Variants in NRXN3 observed in about 807,000 individuals in gnomAD.
The protein encoded by NRXN3 is neurexin 3.
In NRXN3, 32 loss-of-function variants were observed where a neutral mutation model predicts 137.6. The observed-to-expected ratio is 0.23, with a 90% CI of 0.18 to 0.31. The LOEUF (loss-of-function observed/expected upper bound fraction) is 0.31. Ranked by LOEUF, NRXN3 falls within the 10% of genes least tolerant of loss-of-function variation. The pLI is 1.00. For synonymous variants in NRXN3, 798 were observed against 784.5 expected, an observed-to-expected ratio of 1.02 and a Z score of -0.29; for missense variants, 1,574 against 2,062.5, an observed-to-expected ratio of 0.76 and a Z score of 4.59.
intron 4 of NRXN3, among the ~76,000 whole-genome samples, chr14:78,376,270 T>C (rs1234534995): frequency 6.6e-6 from 1 of 152,224 alleles, no homozygotes; most frequent in Non-Finnish European, 1.5e-5. Context: ...TGGTTCCCAC[T>C]GTGGCATACC....
At chr14:78,338,541 C>CAG (rs1367878308) in intron 4 of NRXN3, among the ~76,000 whole-genome samples, 1 of 152,150 alleles carries the variant, frequency 6.6e-6, no homozygotes, top group Non-Finnish European at 1.5e-5. Context: ...ACAGAAAGGG[C>CAG]AGAGGTTGGT....
At chr14:79,316,762 C>G (rs1280519723) in intron 15 of NRXN3, among the ~76,000 whole-genome samples, 1 of 143,338 alleles carries the variant, frequency 7.0e-6, no homozygotes, top group African/African-American at 2.6e-5. Flanking sequence ...CTCTCTCTCT[C>G]TATTGAATTC....
At chr14:79,634,425 A>G (rs2098387147) in intron 16 of NRXN3, among the ~76,000 whole-genome samples, 2 of 152,212 alleles carry the variant, frequency 1.3e-5, no homozygotes, top group African/African-American at 4.8e-5. Context: ...CTTAGGTTCA[A>G]GTGAAAATAA....
intron 10 of NRXN3, among the ~76,000 whole-genome samples, chr14:78,895,406 C>T (rs185549790): frequency 6.6e-6 from 1 of 151,880 alleles, no homozygotes; most frequent in Non-Finnish European, 1.5e-5. Context: ...TCTTCCTCAC[C>T]TCTCTTAGCC....
At chr14:78,548,067 T>A (rs1470889600) in intron 4 of NRXN3, among the ~76,000 whole-genome samples, 1 of 152,238 alleles carries the variant, frequency 6.6e-6, no homozygotes, top group Non-Finnish European at 1.5e-5. Context: ...GGGATGTCCC[T>A]TGTTATCTAT....
chr14:79,019,247 A>C (rs1256104741), intron 15 of NRXN3, among the ~76,000 whole-genome samples: 1 of 152,180 alleles, frequency 6.6e-6, no homozygotes, highest in African/African-American at 2.4e-5. Flanking sequence ...GAGGATATGC[A>C]TAGAAGATGC....
At chr14:79,803,406 C>G (rs1271697760) in intron 19 of NRXN3, among the ~76,000 whole-genome samples, 1 of 152,100 alleles carries the variant, frequency 6.6e-6, no homozygotes, top group African/African-American at 2.4e-5. Context: ...AAGGTGTCAG[C>G]AGAATTAGTG....
intron 14 of NRXN3, among the ~76,000 whole-genome samples, chr14:78,982,701 A>G (rs992396688): frequency 6.6e-6 from 1 of 152,206 alleles, no homozygotes; most frequent in Non-Finnish European, 1.5e-5. Flanking sequence ...ACTAGAAGAA[A>G]ACGTACAGGA....
At chr14:78,716,315 G>A (rs747530601) in intron 8 of NRXN3, among the ~76,000 whole-genome samples, 16 of 152,120 alleles carry the variant, frequency 1.1e-4, no homozygotes, top group South Asian at 4.1e-4. Flanking sequence ...CTGAATATCC[G>A]CAGGCTGTCA....
At chr14:78,967,681 G>A (rs988387) in intron 13 of NRXN3, among the ~76,000 whole-genome samples, 4,151 of 152,272 alleles carry the variant, frequency 0.027, 106 homozygotes, top group Admixed American at 0.05. Flanking sequence ...CCGTAATACA[G>A]AGGAAGGAAT....
chr14:79,854,203 G>A (rs1396606790), intron 20 of NRXN3: 2 of 959,724 alleles, frequency 2.1e-6, no homozygotes, highest in African/African-American at 1.8e-5. Context: ...AAAAACATGC[G>A]GGCAATTTGT....
At chr14:78,402,763 T>C (rs897644105) in intron 4 of NRXN3, among the ~76,000 whole-genome samples, 1 of 152,282 alleles carries the variant, frequency 6.6e-6, no homozygotes, top group Admixed American at 6.5e-5. Flanking sequence ...ATTTCTAAAA[T>C]GGAGAGAATA....
intron 7 of NRXN3, 37 bp downstream of exon 7, chr14:78,709,692 A>G (rs778918275): frequency 6.4e-7 from 1 of 1,556,172 alleles, no homozygotes; most frequent in Non-Finnish European, 8.7e-7. Context: ...AGACTAGACG[A>G]AAGCTGTAGC....
chr14:78,578,344 G>A (rs1600757981), intron 4 of NRXN3, among the ~76,000 whole-genome samples: 1 of 152,188 alleles, frequency 6.6e-6, no homozygotes, highest in Non-Finnish European at 1.5e-5. Context: ...CTTGCTATGA[G>A]TAATTGAAGG....
intron 20 of NRXN3, among the ~76,000 whole-genome samples, chr14:79,844,284 A>G (rs1424010363): frequency 6.8e-6 from 1 of 147,550 alleles, no homozygotes; most frequent in African/African-American, 2.5e-5. Flanking sequence ...ACTTCCTCCC[A>G]CCTCCTGCTA....
At chr14:78,381,918 C>T (rs1262894572) in intron 4 of NRXN3, among the ~76,000 whole-genome samples, 1 of 152,170 alleles carries the variant, frequency 6.6e-6, no homozygotes. Flanking sequence ...GTGGTTTCCA[C>T]TGTCTAGGCC....
Position 78,645,148 on chromosome 14 carries a change from A to T in NRXN3, c.786A>T (p.Arg262=). Residue 262 remains arginine (R), a synonymous_variant, in exon 5 of 21, where the codon CGA becomes CGT. Transcript: ENST00000335750. Reference sequence around the variant, plus strand: ...GAGAGGAGAATGTGGCCACTTTCCGAGGCTCAGAGTATCTGTGCTACGACC... The same window carrying T: ...GAGAGGAGAATGTGGCCACTTTCCGTGGCTCAGAGTATCTGTGCTACGACC... The part of the protein sequence containing the change: ...QAREENVATF[R]GSEYLCYDLS... 6.3e-7 allele frequency: 1 copy of T among 1,576,094 alleles called. No homozygotes were observed. Among genetic ancestry groups the T allele is most frequent in the Non-Finnish European group, 8.6e-7 (1 of 1,167,670 alleles).
Position 79,392,697 on chromosome 14 carries a change from T to G in NRXN3, c.3263-74524T>G, listed in dbSNP as rs554392115. ...ATTAAAAAGTCAGGAAATGGCCAGG[T>G]GTGGTGGCTCATGCCTGTAATCCCA... On this transcript the variant is annotated intron_variant, in intron 15 of 20. Coordinates refer to ENST00000335750, the MANE Select transcript of NRXN3 (RefSeq NM_001330195.2). Among the ~76,000 whole-genome samples the G allele has an allele frequency of 5.6e-4, 85 of 151,734 alleles. 1 individual carries two copies. The highest frequency in any genetic ancestry group is 9.7e-4 in the Non-Finnish European group (66 of 67,890).
intron 4 of NRXN3, among the ~76,000 whole-genome samples, chr14:78,373,455 T>G (rs2087232094): frequency 6.6e-6 from 1 of 152,192 alleles, no homozygotes; most frequent in African/African-American, 2.4e-5. Flanking sequence ...AGCTGGGTTT[T>G]GAATATGTAA....
Sources: allele counts gnomAD v4.1 joint callset (sites outside exome capture counted in the v4.1 genomes callset), GRCh38; gene constraint gnomAD v4.1.1; transcripts MANE v1.5; gene names NCBI Gene and HGNC (gene_info 2026-07-23, HGNC 2026-07-21).